The following PTGR3 variants were observed in gnomAD, a reference collection of about 807,000 sequenced individuals.
PTGR3 encodes the protein prostaglandin reductase 3, also known as zinc binding alcohol dehydrogenase domain containing 2.
chr18:75,208,596 C>T, the PTGR3 span: 1 of 957,158 alleles, frequency 1.0e-6, no homozygotes, highest in Non-Finnish European at 1.3e-6. Flanking sequence ...GAGGGGAATC[C>T]CAAATTAAAA....
the PTGR3 span, chr18:75,208,538 G>A: frequency 8.4e-5 from 92 of 1,091,966 alleles, no homozygotes; most frequent in Admixed American, 1.0e-4. Flanking sequence ...GGGTCCCGTC[G>A]GTTTTATTTC....
the PTGR3 span, chr18:75,201,230 ATT>A: frequency 1.8e-4 from 86 of 481,670 alleles, no homozygotes; most frequent in South Asian, 3.7e-4. Flanking sequence ...TTATTAGCAC[ATT>A]TTTTTTTTTC....
chr18:75,205,152 G>C, the PTGR3 span: 1 of 985,356 alleles, frequency 1.0e-6, no homozygotes, highest in East Asian at 1.1e-4. Flanking sequence ...CCCGCGGCTG[G>C]TGAGGACCCT....
the PTGR3 span, chr18:75,205,509 A>C: frequency 1.0e-6 from 1 of 984,762 alleles, no homozygotes. Flanking sequence ...GGCATTCTCC[A>C]AATCTGTACC....
chr18:75,208,611 C>G, the PTGR3 span: 1 of 878,538 alleles, frequency 1.1e-6, no homozygotes, highest in Non-Finnish European at 1.5e-6. Flanking sequence ...TTAAAATAAC[C>G]CTCAGTTATG....
chr18:75,200,667 C>A, the PTGR3 span: 1 of 152,250 alleles, frequency 6.6e-6, no homozygotes. Context: ...TTAAGTCCCC[C>A]TAATCTCTGT....
the PTGR3 span, chr18:75,201,699 A>T: frequency 6.2e-7 from 1 of 1,614,200 alleles, no homozygotes; most frequent in Non-Finnish European, 8.5e-7. Flanking sequence ...TCCTGCTTTC[A>T]CAGGCGAAAG....
the PTGR3 span, chr18:75,198,685 G>C: frequency 6.6e-6 from 1 of 152,096 alleles, no homozygotes; most frequent in Non-Finnish European, 1.5e-5. Flanking sequence ...GGGACTCCTT[G>C]GTTTCTCAAA....
the PTGR3 span, chr18:75,202,468 T>G: frequency 6.8e-6 from 5 of 737,942 alleles, no homozygotes; most frequent in East Asian, 1.4e-4. Flanking sequence ...TCTGATCGAA[T>G]TTGAGAAAAT....
At chr18:75,207,720 G>A in the PTGR3 span, among the ~76,000 whole-genome samples, 1 of 151,726 alleles carries the variant, frequency 6.6e-6, no homozygotes, top group Admixed American at 6.6e-5. Context: ...GTCTTGTTAG[G>A]AAGGCTAATA....
chr18:75,195,282 T>C, the PTGR3 span: 3 of 152,260 alleles, frequency 2.0e-5, no homozygotes, highest in Non-Finnish European at 2.9e-5. Flanking sequence ...GGAATCCTAA[T>C]TGTGCTGGAT....
the PTGR3 span, among the ~76,000 whole-genome samples, chr18:75,207,683 T>C: frequency 1.5e-4 from 23 of 150,848 alleles, no homozygotes; most frequent in Non-Finnish European, 2.5e-4. Flanking sequence ...AAGTTTTATA[T>C]CGTGATCAGC....
the PTGR3 span, among the ~76,000 whole-genome samples, chr18:75,203,977 G>A: frequency 6.6e-6 from 1 of 152,228 alleles, no homozygotes; most frequent in South Asian, 2.1e-4. Flanking sequence ...GGGGGTGGAA[G>A]TGACGGTAGG....
the PTGR3 span, chr18:75,209,107 C>T: frequency 2.9e-6 from 4 of 1,394,178 alleles, no homozygotes; most frequent in South Asian, 4.8e-5. This position sits in a 1 kb window ranked among gnomAD's most constrained non-coding sequence, Gnocchi z 4.7. Context: ...CGGGGTCGGC[C>T]CCCGCCCGGG....
chr18:75,208,950 C>G, the PTGR3 span: 1 of 1,593,538 alleles, frequency 6.3e-7, no homozygotes, highest in Non-Finnish European at 8.5e-7. Context: ...CGGGTCACCA[C>G]CAGCTTCTGC....
chr18:75,208,328 G>A, the PTGR3 span: 1 of 986,274 alleles, frequency 1.0e-6, no homozygotes, highest in Non-Finnish European at 1.2e-6. Context: ...CACATCCAAC[G>A]ACAGGCTCCG....
chr18:75,206,844 A>C, the PTGR3 span, among the ~76,000 whole-genome samples: 1 of 152,214 alleles, frequency 6.6e-6, no homozygotes, highest in Non-Finnish European at 1.5e-5. Flanking sequence ...CAAACATGGG[A>C]GTCTGCACTC....
the PTGR3 span, chr18:75,208,440 C>A: frequency 1.9e-5 from 19 of 997,692 alleles, no homozygotes; most frequent in East Asian, 4.2e-4. Flanking sequence ...CAGTTTGCGT[C>A]CAGGCTGCTC....
At chr18:75,206,687 T>C in the PTGR3 span, among the ~76,000 whole-genome samples, 27 of 152,216 alleles carry the variant, frequency 1.8e-4, no homozygotes, top group African/African-American at 6.3e-4. Context: ...AAGAAAACTG[T>C]CCCCATTCTT....
Sources: allele counts gnomAD v4.1 joint callset (sites outside exome capture counted in the v4.1 genomes callset), GRCh38; gene constraint gnomAD v4.1.1; non-coding constraint Gnocchi (gnomAD v3.1); transcripts MANE v1.5; gene names NCBI Gene and HGNC (gene_info 2026-07-23, HGNC 2026-07-21).